CHST11: variants seen among roughly 807,000 people sequenced by gnomAD.
CHST11 encodes C4S-1.
A neutral mutation model predicts 30.4 loss-of-function variants in CHST11; 9 were observed. That is an observed-to-expected ratio of 0.30 (90% CI 0.18 to 0.52). The LOEUF is 0.52. Among genes scored for constraint, CHST11 ranks in the 20% least tolerant of loss-of-function variants. CHST11 has a pLI of 0.97. For missense variants in CHST11, 348 were observed against 460.6 expected (o/e 0.76, Z 2.24); for synonymous variants, 152 against 187.8 (o/e 0.81, Z 1.56).
chr12:104,679,604 G>A (rs745740640), intron 2 of CHST11, among the ~76,000 whole-genome samples: 11 of 152,180 alleles, frequency 7.2e-5, no homozygotes, highest in Non-Finnish European at 1.0e-4. Flanking sequence ...GGCCAGGCCT[G>A]TGTGGATTTT....
chr12:104,519,985 A>G (rs193244043), intron 1 of CHST11, among the ~76,000 whole-genome samples: 9 of 152,222 alleles, frequency 5.9e-5, no homozygotes, highest in Non-Finnish European at 8.8e-5. Flanking sequence ...CGTGTGTTTA[A>G]TTTAGGAGGC....
At position 104,621,635 on chromosome 12, in the gene CHST11, AGGAAG is replaced by A. The variant is rs557466253; in HGVS notation, c.204+19647_204+19651del. 3.6e-3 allele frequency among the ~76,000 whole-genome samples: 550 copies of A among 152,326 alleles called. 7 individuals carry two copies. Among genetic ancestry groups the A allele is most frequent in the African/African-American group, 0.012 (502 of 41,564 alleles). ...TGGAAGCAGAGCTTGGAGTGATGTG[AGGAAG>A]GGGGCCACAAGCCTAGGAATGTAAG... is the stretch of plus-strand genomic sequence containing the variant. On this transcript the variant is annotated intron_variant, in intron 2 of 2. Transcript: ENST00000303694.
intron 2 of CHST11, among the ~76,000 whole-genome samples, chr12:104,678,884 T>G (rs555298651): frequency 6.6e-6 from 1 of 152,256 alleles, no homozygotes; most frequent in East Asian, 1.9e-4. Context: ...TTCATTCAGT[T>G]TGTGAAACAG....
intron 2 of CHST11, among the ~76,000 whole-genome samples, chr12:104,643,934 A>C (rs555469012): frequency 6.6e-6 from 1 of 152,330 alleles, no homozygotes; most frequent in East Asian, 1.9e-4. Flanking sequence ...AAGAGGAAGC[A>C]ATTTGAATTT....
intron 2 of CHST11, among the ~76,000 whole-genome samples, chr12:104,751,479 T>C (rs996824583): frequency 6.6e-6 from 1 of 152,240 alleles, no homozygotes; most frequent in South Asian, 2.1e-4. Flanking sequence ...TAAGAAGTCA[T>C]GAATTGCAAA....
At chr12:104,613,347 A>G (rs10778344) in intron 2 of CHST11, among the ~76,000 whole-genome samples, 38,893 of 152,094 alleles carry the variant, frequency 0.26, 5,148 homozygotes, top group East Asian at 0.42. Flanking sequence ...AAAAGAGGGA[A>G]GTTTTCAGCC....
At chr12:104,680,192 A>G (rs992983864) in intron 2 of CHST11, among the ~76,000 whole-genome samples, 3 of 152,222 alleles carry the variant, frequency 2.0e-5, no homozygotes, top group Non-Finnish European at 2.9e-5. Context: ...GTGATAGCAA[A>G]TAGATATATA....
intron 2 of CHST11, among the ~76,000 whole-genome samples, chr12:104,702,710 GC>G (rs1169518862): frequency 6.6e-6 from 1 of 152,106 alleles, no homozygotes; most frequent in African/African-American, 2.4e-5. Flanking sequence ...ATTCCACCCT[GC>G]CCCCAGCAGT....
chr12:104,594,733 G>A (rs1464367909), intron 1 of CHST11, among the ~76,000 whole-genome samples: 2 of 152,294 alleles, frequency 1.3e-5, no homozygotes, highest in South Asian at 4.1e-4. Flanking sequence ...AAGGTGGGAG[G>A]ATTGCTTGAA....
chr12:104,665,667 A>G (rs2039634958), intron 2 of CHST11, among the ~76,000 whole-genome samples: 1 of 142,364 alleles, frequency 7.0e-6, no homozygotes, highest in Admixed American at 7.7e-5. Context: ...TTTTATGCCT[A>G]TTGAAAACTT....
At chr12:104,547,604 A>G (rs1160804802) in intron 1 of CHST11, among the ~76,000 whole-genome samples, 2 of 152,166 alleles carry the variant, frequency 1.3e-5, no homozygotes, top group Non-Finnish European at 2.9e-5. Context: ...ATAGCTGAGT[A>G]ATACATTGCA....
chr12:104,562,178 G>A (rs574296400), intron 1 of CHST11, among the ~76,000 whole-genome samples: 7 of 152,162 alleles, frequency 4.6e-5, no homozygotes, highest in Non-Finnish European at 1.0e-4. Flanking sequence ...TCATCCACCC[G>A]AAATGGAATT....
At chr12:104,537,087 G>A (rs1256458782) in intron 1 of CHST11, among the ~76,000 whole-genome samples, 3 of 152,208 alleles carry the variant, frequency 2.0e-5, no homozygotes, top group Non-Finnish European at 1.5e-5. Context: ...CACATTGCAC[G>A]CAGGTGTGTG....
In CHST11 at chr12:104,611,673, G is replaced by A. The variant is rs375333400; in HGVS notation, c.204+9682G>A. On this transcript the variant is annotated intron_variant, in intron 2 of 2. Transcript: ENST00000303694. Reference sequence around the variant, plus strand: ...AGGTGCAGAGGCGGCTGGCCATCAGGGTGGACGGTTTCCTGGGACCCAGTG... The same window carrying A: ...AGGTGCAGAGGCGGCTGGCCATCAGAGTGGACGGTTTCCTGGGACCCAGTG... 4.9e-4 allele frequency among the ~76,000 whole-genome samples: 75 copies of A among 152,262 alleles called. 1 individual carries two copies. The highest frequency in any genetic ancestry group is 1.7e-3 in the African/African-American group (71 of 41,536).
intron 1 of CHST11, among the ~76,000 whole-genome samples, chr12:104,472,883 C>T (rs2037524658): frequency 1.3e-5 from 2 of 151,808 alleles, no homozygotes; most frequent in African/African-American, 2.4e-5. Flanking sequence ...AATTTGCTGG[C>T]GGAATCTGGG....
chr12:104,702,483 T>C (rs2039997191), intron 2 of CHST11, among the ~76,000 whole-genome samples: 1 of 151,382 alleles, frequency 6.6e-6, no homozygotes, highest in African/African-American at 2.4e-5. Context: ...TGATGGGACA[T>C]GGGAGGACTG....
intron 1 of CHST11, among the ~76,000 whole-genome samples, chr12:104,523,679 C>T (rs2038095458): frequency 6.6e-6 from 1 of 152,128 alleles, no homozygotes; most frequent in Admixed American, 6.5e-5. Flanking sequence ...TTTGTAAAAC[C>T]GCAGAGCAGC....
intron 1 of CHST11, among the ~76,000 whole-genome samples, chr12:104,566,792 C>T (rs910680449): frequency 6.6e-6 from 1 of 152,102 alleles, no homozygotes; most frequent in African/African-American, 2.4e-5. Flanking sequence ...AGTGTGAGTA[C>T]GGCAGACATC....
At chr12:104,620,016 C>T (rs930066151) in intron 2 of CHST11, among the ~76,000 whole-genome samples, 1 of 152,162 alleles carries the variant, frequency 6.6e-6, no homozygotes, top group Non-Finnish European at 1.5e-5. Context: ...TTGTCATTCC[C>T]GGTGAGCCTT....
Sources: gnomAD v4.1 joint callset for allele counts (sites outside exome capture counted in the v4.1 genomes callset) on GRCh38, gnomAD v4.1.1 for gene constraint, MANE v1.5 for transcripts, NCBI Gene and HGNC (gene_info 2026-07-23, HGNC 2026-07-21) for gene names.